Variants in MYCBP2 observed in about 807,000 individuals in gnomAD.
MYCBP2 encodes E3 ubiquitin-protein ligase MYCBP2.
Under a neutral mutation model 525.3 loss-of-function variants are expected in MYCBP2, and 120 were observed. That is an observed-to-expected ratio of 0.23 (90% CI 0.20 to 0.27). MYCBP2 has a LOEUF of 0.27. Ranked by LOEUF, MYCBP2 falls within the 10% of genes least tolerant of loss-of-function variation. The pLI, the probability that MYCBP2 is intolerant of heterozygous loss-of-function variation, is 1.00. For synonymous variants in MYCBP2, 1,894 were observed against 1,955.8 expected (o/e 0.97, Z 0.83); for missense variants, 4,149 against 5,657.1 (o/e 0.73, Z 8.55).
In MYCBP2 at chr13:77,169,667, G is replaced by T; in HGVS notation, c.5842C>A (p.Leu1948Met). 6.2e-7 allele frequency: 1 copy of T among 1,614,040 alleles called. No individual in the cohort carries two copies. The highest frequency in any genetic ancestry group is 8.5e-7 in the Non-Finnish European group (1 of 1,179,992). The change falls in exon 39 of 83, where the codon CTG becomes ATG. Residue 1948 changes from leucine (L) to methionine (M), a missense_variant. Transcript: ENST00000544440. Reference protein sequence around the residue: ...LLSSSSLFSMLLPLIIAYIGP... With the variant: ...LLSSSSLFSMMLPLIIAYIGP... The stretch of plus-strand genomic sequence containing the variant: ...ATGTAGGCTATAATAAGGGGGAGCA[G>T]CATGGAAAACAGACTGGAAGAACTC...
intron 55 of MYCBP2, among the ~76,000 whole-genome samples, chr13:77,101,323 C>A (rs2047029196): frequency 6.6e-6 from 1 of 152,050 alleles, no homozygotes; most frequent in Admixed American, 6.6e-5. Context: ...ACAAAGATTA[C>A]CTACTCCCTG....
intron 54 of MYCBP2, among the ~76,000 whole-genome samples, chr13:77,124,404 T>C (rs2051292749): frequency 6.6e-6 from 1 of 152,222 alleles, no homozygotes; most frequent in African/African-American, 2.4e-5. Context: ...TTATTATCTT[T>C]TGAATAAAGA....
At chr13:77,059,437 G>A (rs1455071691) in intron 77 of MYCBP2, 86 bp downstream of exon 77, 10 of 986,230 alleles carry the variant, frequency 1.0e-5, no homozygotes, top group African/African-American at 1.6e-5. Context: ...CTGGAGTGAC[G>A]CTGAGCTAAA....
chr13:77,308,476 C>T (rs2079738462), intron 1 of MYCBP2, among the ~76,000 whole-genome samples: 1 of 152,244 alleles, frequency 6.6e-6, no homozygotes, highest in Admixed American at 6.5e-5. Context: ...TTTAATCTCT[C>T]TGTGCCTCAG....
intron 1 of MYCBP2, among the ~76,000 whole-genome samples, chr13:77,311,575 T>G (rs958441809): frequency 2.0e-5 from 3 of 150,884 alleles, no homozygotes; most frequent in East Asian, 1.9e-4. Context: ...GTTTTTTTTT[T>G]TTTGTTTTTT....
chr13:77,195,389 G>A (rs1296719563), intron 26 of MYCBP2, among the ~76,000 whole-genome samples: 1 of 152,134 alleles, frequency 6.6e-6, no homozygotes. Flanking sequence ...ATGAGGTCAC[G>A]AGTTTGACAC....
At position 77,171,640 on chromosome 13, in the gene MYCBP2, G is replaced by C. The variant is rs1277791314; in HGVS notation, c.5652-6C>G. 6.2e-7 allele frequency: 1 copy of C among 1,613,460 alleles called. No individual in the cohort carries two copies. The highest frequency in any genetic ancestry group is 8.5e-7 in the Non-Finnish European group (1 of 1,179,630). ...AATCTCCATCAAATTCACTCCTGTA[G>C]CATGAGCAAACATGAGATTATTTTA... On this transcript the variant is annotated splice_polypyrimidine_tract_variant and splice_region_variant and intron_variant, in intron 37 of 82. Transcript: ENST00000544440.
chr13:77,215,379 T>A (rs559253462), intron 21 of MYCBP2, among the ~76,000 whole-genome samples: 1 of 152,156 alleles, frequency 6.6e-6, no homozygotes, highest in Non-Finnish European at 1.5e-5. Flanking sequence ...AAGAATGACC[T>A]TTCAGTGAGT....
At chr13:77,121,121 GT>G (rs1357880508) in intron 55 of MYCBP2, 20 of 239,914 alleles carry the variant, frequency 8.3e-5, no homozygotes, top group Non-Finnish European at 2.3e-5. Flanking sequence ...CAAAATGAGT[GT>G]TTTTTAAATA....
Position 77,243,898 on chromosome 13 carries a change from T to C in MYCBP2, c.2435A>G (p.Lys812Arg). 6.2e-7 allele frequency: 1 copy of C among 1,612,532 alleles called. No homozygotes were observed. The highest frequency in any genetic ancestry group is 2.2e-5 in the East Asian group (1 of 44,798). ...ACCATCTAACTCTCTTGCACAGGCC[T>C]TGCAACATCCACACACAGCACAACC... Reference protein sequence around the residue: ...ESGCAVCGCCKACARELDGQE... With the variant: ...ESGCAVCGCCRACARELDGQE... Residue 812 changes from lysine to arginine, a missense_variant, in exon 16 of 83, where the codon AAG (lysine) becomes AGG (arginine). Coordinates refer to ENST00000544440, the MANE Select transcript of MYCBP2 (RefSeq NM_015057.5).
chr13:77,189,460 G>A (rs1340591940), intron 29 of MYCBP2, among the ~76,000 whole-genome samples: 2 of 152,046 alleles, frequency 1.3e-5, no homozygotes, highest in Non-Finnish European at 1.5e-5. Context: ...CAGATTGCAC[G>A]GTGCATAAAA....
intron 48 of MYCBP2, 91 bp from the exon 49 acceptor site, chr13:77,144,651 G>T: frequency 1.2e-6 from 1 of 862,918 alleles, no homozygotes; most frequent in Non-Finnish European, 2.0e-6. Flanking sequence ...TAATTTGTTT[G>T]CATACCTCCT....
rs145092128 is a variant in MYCBP2 at position 77,081,559 on chromosome 13, G to A, written c.11286C>T (p.Asp3762=). The A allele has an allele frequency of 6.8e-5, 109 of 1,613,784 alleles. 1 individual carries two copies. In the African/African-American group the frequency reaches 1.1e-3, roughly 16 times the overall value. ...ATTCCCAAAAGGTTTCTGTGGAGCC[G>A]TCTGTCAAACTGCCAATCATGGCAG... The part of the protein sequence containing the change: ...SRPAMIGSLT[D]GSTETFWESG... Residue 3762 remains aspartate (D), a synonymous_variant, in exon 65 of 83, where the codon GAC becomes GAT. Coordinates refer to ENST00000544440, the MANE Select transcript of MYCBP2 (RefSeq NM_015057.5). This position sits in a 1 kb window ranked among gnomAD's most constrained non-coding sequence, Gnocchi z 4.6.
chr13:77,061,397 C>T, intron 75 of MYCBP2, 96 bp from the exon 76 acceptor site: 1 of 1,070,454 alleles, frequency 9.3e-7, no homozygotes, highest in African/African-American at 1.6e-5. Context: ...TAATGGCTTT[C>T]ATTTAAGCAC....
At chr13:77,291,962 C>G (rs2077524545) in intron 2 of MYCBP2, among the ~76,000 whole-genome samples, 1 of 152,178 alleles carries the variant, frequency 6.6e-6, no homozygotes. Flanking sequence ...TATGAACACA[C>G]AGAGCAATGG....
chr13:77,266,070 A>AT lies in MYCBP2; in HGVS notation c.1357+1770dup, dbSNP rs954849725. 1.1e-4 allele frequency among the ~76,000 whole-genome samples: 17 copies of AT among 152,264 alleles called. 1 individual carries two copies. The South Asian group carries it at 1.2e-3, about 11-fold the overall frequency. ...AACTGAATAAAGACATTAACGAGTA[A>AT]TTTTTTTATCAAGGCAGAATAAATA... On this transcript the variant is annotated intron_variant, in intron 8 of 82. Coordinates refer to ENST00000544440, the MANE Select transcript of MYCBP2 (RefSeq NM_015057.5).
chr13:77,240,711 C>CT (rs1311476095), intron 17 of MYCBP2, among the ~76,000 whole-genome samples: 2 of 152,194 alleles, frequency 1.3e-5, no homozygotes, highest in Non-Finnish European at 2.9e-5. Flanking sequence ...CTCTGTCCTC[C>CT]TTTCGCATGA....
At chr13:77,248,527 C>T (rs934378480) in intron 15 of MYCBP2, among the ~76,000 whole-genome samples, 10 of 152,082 alleles carry the variant, frequency 6.6e-5, no homozygotes, top group Non-Finnish European at 1.5e-5. Flanking sequence ...TGCTGAACAT[C>T]ACTAATCACT....
Position 77,257,621 on chromosome 13 carries a change from A to G in MYCBP2, c.2176+50T>C, listed in dbSNP as rs74474558. 1.7e-3 allele frequency: 2,483 copies of G among 1,464,016 alleles called. 86 individuals carry two copies. In the East Asian group the frequency reaches 0.046, roughly 27 times the overall value. The allele number at this position is 1,464,016 out of a possible 1,614,324, so 90.7% of individuals were successfully genotyped here. On this transcript the variant is annotated intron_variant, in intron 14 of 82. Transcript: ENST00000544440. ...ACTTTTCACTATGTTGTTCTGAAAA[A>G]CTAATGAAAAGACAACACAAATTTT...
Sources: allele counts gnomAD v4.1 joint callset (sites outside exome capture counted in the v4.1 genomes callset), GRCh38; gene constraint gnomAD v4.1.1; non-coding constraint Gnocchi (gnomAD v3.1); transcripts MANE v1.5; gene names NCBI Gene and HGNC (gene_info 2026-07-23, HGNC 2026-07-21).